Variants in KIF5C observed in about 807,000 individuals in gnomAD.
KIF5C encodes the protein kinesin heavy chain isoform 5C.
In KIF5C, 18 loss-of-function variants were observed where a neutral mutation model predicts 125.2. That is an observed-to-expected ratio of 0.14 (90% CI 0.10 to 0.21). KIF5C has a LOEUF of 0.21. Ranked by LOEUF, KIF5C falls within the 10% of genes least tolerant of loss-of-function variation. The pLI, the probability that KIF5C is intolerant of heterozygous loss-of-function variation, is 1.00. For synonymous variants in KIF5C, 405 were observed against 434.0 expected, an observed-to-expected ratio of 0.93 and a Z score of 0.83; for missense variants, 780 against 1,183.8, an observed-to-expected ratio of 0.66 and a Z score of 5.01.
chr2:148,878,872 T>C (rs986344048), intron 1 of KIF5C: 3 of 152,230 alleles, frequency 2.0e-5, no homozygotes, highest in Non-Finnish European at 4.4e-5. Context: ...GGTGGAGTTA[T>C]CTGTTAGTCC....
chr2:149,022,103 G>A (rs899486234), intron 25 of KIF5C, among the ~76,000 whole-genome samples: 3 of 152,172 alleles, frequency 2.0e-5, no homozygotes, highest in African/African-American at 7.2e-5. Context: ...CTTATTATCC[G>A]ATGGAGACGA....
At chr2:149,008,400 A>G (rs1275282380) in intron 23 of KIF5C, among the ~76,000 whole-genome samples, 1 of 152,154 alleles carries the variant, frequency 6.6e-6, no homozygotes, top group East Asian at 1.9e-4. Flanking sequence ...GTCTCCCATG[A>G]CACCTCTGAG....
intron 3 of KIF5C, among the ~76,000 whole-genome samples, chr2:148,931,578 GTTTGAACTGTGGAGGCGAAGGTTGCAGT>G (rs1682186661): frequency 6.6e-6 from 1 of 152,206 alleles, no homozygotes; most frequent in African/African-American, 2.4e-5. Context: ...CAGGAGAATT[GTTTGAACTGTGGAGGCGAAGGTTGCAGT>G]GAGCCAAGAT....
At position 148,981,355 on chromosome 2, in the gene KIF5C, C is replaced by A; in HGVS notation, c.1363C>A (p.Leu455Ile). 2 of 1,606,670 alleles carry A rather than the reference C, an allele frequency of 1.2e-6. No homozygotes were observed. The highest frequency in any genetic ancestry group is 1.7e-5 in the Admixed American group (1 of 59,064). The change falls in exon 14 of 26, where the codon CTT becomes ATT. Residue 455 changes from leucine (L) to isoleucine (I), a missense_variant and splice_region_variant. Leu to Ile is a conservative substitution (Grantham distance 5). This residue lies in a region of KIF5C where 573 missense variants were observed against 742.6 expected (regional missense o/e 0.77). Coordinates refer to ENST00000435030, the MANE Select transcript of KIF5C (RefSeq NM_004522.3). Reference sequence around the variant, plus strand: ...GTTCCATGCCATCTCATTTCCCCAGCTTTTAGCTTCCACAAGAAGAGACTA... The same window carrying A: ...GTTCCATGCCATCTCATTTCCCCAGATTTTAGCTTCCACAAGAAGAGACTA... ...LKQQMLDQDE[L>I]LASTRRDYEK... is the part of the protein sequence containing the mutation.
intron 1 of KIF5C, chr2:148,878,417 G>T (rs946293367): frequency 6.6e-6 from 1 of 152,202 alleles, no homozygotes; most frequent in Non-Finnish European, 1.5e-5. Context: ...AGTATTCCAT[G>T]ATATGAATAT....
intron 16 of KIF5C, 55 bp from the exon 17 acceptor site, chr2:148,994,366 C>T (rs1319199397): frequency 5.2e-6 from 8 of 1,534,944 alleles, no homozygotes; most frequent in Non-Finnish European, 7.0e-6. Context: ...CAATTCCAGG[C>T]CAGCCTGGAT....
intron 17 of KIF5C, among the ~76,000 whole-genome samples, chr2:148,995,038 C>T (rs1681628602): frequency 6.6e-6 from 1 of 152,112 alleles, no homozygotes; most frequent in Non-Finnish European, 1.5e-5. Context: ...TGAATCTGCT[C>T]ATCTTCCCAT....
At chr2:148,983,318 T>G (rs546927940) in intron 14 of KIF5C, among the ~76,000 whole-genome samples, 1 of 152,342 alleles carries the variant, frequency 6.6e-6, no homozygotes, top group East Asian at 1.9e-4. Context: ...AGTAGGAAGA[T>G]GCAATTACAT....
chr2:148,875,583 C>A lies in KIF5C; in HGVS notation c.-35C>A. 1.1e-6 allele frequency: 1 copy of A among 930,574 alleles called. No homozygotes were observed. Among genetic ancestry groups the A allele is most frequent in the Non-Finnish European group, 1.7e-6 (1 of 597,882 alleles). The allele number at this position is 930,574 out of a possible 1,614,324, so 57.6% of individuals were successfully genotyped here. A position where few individuals can be genotyped will look rare whatever the true frequency, so the allele number is the denominator to read the frequency against. The stretch of plus-strand genomic sequence containing the variant: ...CGTCGTTCCCGGCCCCGGCCCCCCA[C>A]CCATCCCCGTGCCCCCTCCCTACCG... On this transcript the variant is annotated 5_prime_UTR_variant, in exon 1 of 26. Coordinates refer to ENST00000435030, the MANE Select transcript of KIF5C (RefSeq NM_004522.3).
At chr2:148,933,504 T>A (rs1329464890) in intron 3 of KIF5C, among the ~76,000 whole-genome samples, 1 of 148,844 alleles carries the variant, frequency 6.7e-6, no homozygotes, top group Non-Finnish European at 1.5e-5. Context: ...CACGCACATA[T>A]ACACACAGAC....
intron 12 of KIF5C, among the ~76,000 whole-genome samples, chr2:148,977,652 G>C (rs976997138): frequency 1.3e-5 from 2 of 152,096 alleles, no homozygotes; most frequent in Non-Finnish European, 2.9e-5. Flanking sequence ...TGGTGTAAAG[G>C]GTTCAGTAGA....
At chr2:148,916,870 G>A (rs182707499) in intron 1 of KIF5C, among the ~76,000 whole-genome samples, 22 of 152,228 alleles carry the variant, frequency 1.4e-4, no homozygotes, top group Admixed American at 5.9e-4. Context: ...GTCTGGATGC[G>A]AGGCACACAT....
chr2:148,969,990 G>A (rs982068682), intron 11 of KIF5C, among the ~76,000 whole-genome samples: 2 of 152,086 alleles, frequency 1.3e-5, no homozygotes, highest in Admixed American at 6.5e-5. Context: ...TGCGTGTTGC[G>A]GCTTTGTTCT....
intron 11 of KIF5C, among the ~76,000 whole-genome samples, chr2:148,967,178 G>A (rs1303802764): frequency 6.6e-6 from 1 of 152,208 alleles, no homozygotes; most frequent in Non-Finnish European, 1.5e-5. Flanking sequence ...TGTGGCTAAG[G>A]AGAGCCACCC....
chr2:148,926,820 G>C (rs1017732018), intron 2 of KIF5C, among the ~76,000 whole-genome samples: 1 of 152,176 alleles, frequency 6.6e-6, no homozygotes, highest in Non-Finnish European at 1.5e-5. Context: ...GATAGAGGGC[G>C]ACGTCGGCTC....
At chr2:148,930,159 G>A (rs147707782) in intron 3 of KIF5C, among the ~76,000 whole-genome samples, 12 of 152,256 alleles carry the variant, frequency 7.9e-5, no homozygotes, top group African/African-American at 2.2e-4. Flanking sequence ...GGGTGAAGAC[G>A]AACTTATATT....
chr2:148,991,501 G>T (rs1681526020), intron 16 of KIF5C, among the ~76,000 whole-genome samples: 1 of 152,064 alleles, frequency 6.6e-6, no homozygotes, highest in South Asian at 2.1e-4. Flanking sequence ...ACTCCTGTAA[G>T]TAAGGCAATA....
chr2:148,950,211 T>C, intron 9 of KIF5C, 103 bp from the exon 10 acceptor site: 1 of 1,501,636 alleles, frequency 6.7e-7, no homozygotes, highest in Non-Finnish European at 8.9e-7. Flanking sequence ...AATTCTTGTT[T>C]TACTCGGTTT....
At chr2:148,976,301 G>A (rs554716204) in intron 12 of KIF5C, among the ~76,000 whole-genome samples, 168 of 142,298 alleles carry the variant, frequency 1.2e-3, no homozygotes, top group Middle Eastern at 3.6e-3. Flanking sequence ...ATGGAGTCTC[G>A]CTCTGTCACT....
Sources: gnomAD v4.1 joint callset for allele counts (sites outside exome capture counted in the v4.1 genomes callset) on GRCh38, gnomAD v4.1.1 for gene constraint, gnomAD v4.1.1 regional missense constraint, MANE v1.5 for transcripts, NCBI Gene and HGNC (gene_info 2026-07-23, HGNC 2026-07-21) for gene names.